Variants in FRZB observed in about 807,000 individuals in gnomAD.
FRZB encodes the protein frizzled related protein.
In FRZB, 34 loss-of-function variants were observed where a neutral mutation model predicts 32.5. The ratio of observed to expected loss-of-function variants is 1.05; its 90% CI spans 0.80 to 1.39. The LOEUF is 1.39. FRZB is among the 40% of genes most tolerant of loss of function. The pLI, the probability that FRZB is intolerant of heterozygous loss-of-function variation, is 0.00. For missense variants in FRZB, 423 were observed against 424.8 expected (o/e 1.00, Z 0.04); for synonymous variants, 170 against 159.2 (o/e 1.07, Z -0.51).
At chr2:182,837,826 T>A (rs1695544188) in intron 5 of FRZB, 122 bp downstream of exon 5, 1 of 694,948 alleles carries the variant, frequency 1.4e-6, no homozygotes, top group Non-Finnish European at 2.5e-6. Context: ...AATATATGCA[T>A]ACTAAATTTT....
chr2:182,853,309 T>C (rs1306265279), intron 2 of FRZB, among the ~76,000 whole-genome samples: 3 of 152,250 alleles, frequency 2.0e-5, no homozygotes, highest in Non-Finnish European at 4.4e-5. Context: ...TGATGTGTTT[T>C]CTTTCTTTCA....
chr2:182,850,057 G>A (rs1695692761), intron 2 of FRZB, among the ~76,000 whole-genome samples: 1 of 152,148 alleles, frequency 6.6e-6, no homozygotes, highest in Non-Finnish European at 1.5e-5. Context: ...TTCATTCCAT[G>A]TCATTGGCAC....
intron 1 of FRZB, 93 bp from the exon 2 acceptor site, chr2:182,858,926 G>T: frequency 9.5e-7 from 1 of 1,047,172 alleles, no homozygotes; most frequent in Non-Finnish European, 1.5e-6. Context: ...TTTGATTTGG[G>T]TAAGAATCCA....
intron 5 of FRZB, among the ~76,000 whole-genome samples, chr2:182,836,067 T>A (rs1335898893): frequency 6.6e-6 from 1 of 152,078 alleles, no homozygotes; most frequent in Non-Finnish European, 1.5e-5. Context: ...AATTCTTCAT[T>A]TCAGTATTCT....
chr2:182,856,511 A>G (rs909949311), intron 2 of FRZB, among the ~76,000 whole-genome samples: 39 of 152,098 alleles, frequency 2.6e-4, no homozygotes, highest in Non-Finnish European at 1.9e-4. Flanking sequence ...AAAACATACC[A>G]ATCAAAAGAC....
intron 2 of FRZB, among the ~76,000 whole-genome samples, chr2:182,846,020 G>C (rs1262410213): frequency 6.6e-6 from 1 of 152,216 alleles, no homozygotes; most frequent in Non-Finnish European, 1.5e-5. Flanking sequence ...GAACAGCCTT[G>C]CTGCCTCAGA....
intron 5 of FRZB, among the ~76,000 whole-genome samples, chr2:182,836,896 T>G (rs1695531444): frequency 6.6e-6 from 1 of 152,050 alleles, no homozygotes; most frequent in African/African-American, 2.4e-5. Context: ...TAGTTTCTCC[T>G]TACAAAATAA....
rs2105749809 is a variant in FRZB at position 182,834,680 on chromosome 2, G to A, written c.*169C>T. ...AACCATTACAAAGGGGTTGAGAGAAGAGAGAAGCAGAAACCAAAAGAGAAA... is the reference window on the plus strand; with the variant it reads ...AACCATTACAAAGGGGTTGAGAGAAAAGAGAAGCAGAAACCAAAAGAGAAA... On this transcript the variant is annotated 3_prime_UTR_variant, in exon 6 of 6. Transcript: ENST00000295113. The A allele has an allele frequency of 1.6e-6, 1 of 624,266 alleles. No individual in the cohort carries two copies. Among genetic ancestry groups the A allele is most frequent in the South Asian group, 1.9e-5 (1 of 51,554 alleles). The allele number at this position is 624,266 out of a possible 1,614,324, so 38.7% of individuals were successfully genotyped here. A position where few individuals can be genotyped will look rare whatever the true frequency, so the allele number is the denominator to read the frequency against.
At chr2:182,863,559 ATCC>A (rs1349527098) in intron 1 of FRZB, among the ~76,000 whole-genome samples, 1 of 152,186 alleles carries the variant, frequency 6.6e-6, no homozygotes, top group Non-Finnish European at 1.5e-5. Flanking sequence ...GGATTTGAAA[ATCC>A]TCTTGGCATC....
At chr2:182,855,584 A>G (rs1695759462) in intron 2 of FRZB, among the ~76,000 whole-genome samples, 1 of 152,236 alleles carries the variant, frequency 6.6e-6, no homozygotes, top group East Asian at 1.9e-4. Context: ...CTAGGCCAAT[A>G]GAAATTACCT....
At chr2:182,865,953 A>T in intron 1 of FRZB, 122 bp downstream of exon 1, 1 of 727,960 alleles carries the variant, frequency 1.4e-6, no homozygotes, top group Non-Finnish European at 2.3e-6. Flanking sequence ...ATAGAGGAGC[A>T]GTTATGGGAG....
At chr2:182,837,588 T>C (rs1222763448) in intron 5 of FRZB, among the ~76,000 whole-genome samples, 2 of 152,012 alleles carry the variant, frequency 1.3e-5, no homozygotes, top group Non-Finnish European at 2.9e-5. Flanking sequence ...AGCCATCTTG[T>C]GACCTCCAGG....
At chr2:182,850,083 C>T (rs147437599) in intron 2 of FRZB, among the ~76,000 whole-genome samples, 5 of 152,262 alleles carry the variant, frequency 3.3e-5, no homozygotes, top group South Asian at 2.1e-4. Context: ...GTGCCTGATA[C>T]GAGTAAGTGT....
intron 3 of FRZB, 102 bp from the exon 4 acceptor site, chr2:182,838,715 C>T (rs1695555379): frequency 1.9e-5 from 17 of 915,164 alleles, no homozygotes; most frequent in Non-Finnish European, 2.9e-5. Context: ...TTCTTATCCA[C>T]TTGATATTCA....
intron 3 of FRZB, among the ~76,000 whole-genome samples, chr2:182,840,234 A>G (rs538083916): frequency 3.3e-5 from 5 of 152,176 alleles, no homozygotes; most frequent in South Asian, 2.1e-4. Context: ...TTGAAATGCC[A>G]TTTGGCAGAA....
At chr2:182,855,949 T>A (rs1315727976) in intron 2 of FRZB, among the ~76,000 whole-genome samples, 1 of 152,106 alleles carries the variant, frequency 6.6e-6, no homozygotes, top group Non-Finnish European at 1.5e-5. Context: ...AGACTGCCAA[T>A]TTCCCATGAG....
Position 182,834,976 on chromosome 2 carries a change from TAA to T in FRZB, c.862-13_862-12del. The T allele has an allele frequency of 1.3e-6, 2 of 1,581,128 alleles. No individual in the cohort carries two copies. Among genetic ancestry groups the T allele is most frequent in the South Asian group, 2.2e-5 (2 of 90,298 alleles). ...CTTCATATCCCAGCGCTGTGAAATT[TAA>T]AATAGAAAATAGTCACAAGCACATA... On this transcript the variant is annotated splice_polypyrimidine_tract_variant and intron_variant, in intron 5 of 5. Coordinates refer to ENST00000295113, the MANE Select transcript of FRZB (RefSeq NM_001463.4).
chr2:182,849,194 T>G (rs1352050871), intron 2 of FRZB, among the ~76,000 whole-genome samples: 1 of 151,776 alleles, frequency 6.6e-6, no homozygotes, highest in Non-Finnish European at 1.5e-5. Context: ...GCCACTGCAC[T>G]CCAGCCTGGG....
intron 2 of FRZB, among the ~76,000 whole-genome samples, chr2:182,852,145 T>G (rs149022022): frequency 1.2e-3 from 176 of 152,322 alleles, no homozygotes; most frequent in Non-Finnish European, 1.9e-3. Context: ...AAAACTGAAC[T>G]TCTTCCCAAA....
Sources: allele counts gnomAD v4.1 joint callset (sites outside exome capture counted in the v4.1 genomes callset), GRCh38; gene constraint gnomAD v4.1.1; transcripts MANE v1.5; gene names NCBI Gene and HGNC (gene_info 2026-07-23, HGNC 2026-07-21).